Variants in PEAK1 observed in about 807,000 individuals in gnomAD.
The protein encoded by PEAK1 is pseudopodium enriched atypical kinase 1, also known as inactive tyrosine-protein kinase PEAK1.
PEAK1 carries 54 observed loss-of-function variants against 124.7 expected under a neutral mutation model. The observed-to-expected ratio is 0.43, with a 90% CI of 0.35 to 0.54. The LOEUF (loss-of-function observed/expected upper bound fraction) is 0.54. Ranked by LOEUF, PEAK1 falls within the 20% of genes least tolerant of loss-of-function variation. The pLI is 0.01. For synonymous variants in PEAK1, 719 were observed against 760.0 expected (o/e 0.95, Z 0.89); for missense variants, 2,046 against 2,134.5 (o/e 0.96, Z 0.82).
At chr15:77,294,044 A>T (rs563022432) in intron 2 of PEAK1, among the ~76,000 whole-genome samples, 1 of 152,318 alleles carries the variant, frequency 6.6e-6, no homozygotes, top group South Asian at 2.1e-4. Context: ...AGGAAAAAGG[A>T]CAGTGCCAGT....
At chr15:77,267,265 C>G (rs1207051709) in intron 5 of PEAK1, among the ~76,000 whole-genome samples, 1 of 152,176 alleles carries the variant, frequency 6.6e-6, no homozygotes, top group Non-Finnish European at 1.5e-5. Flanking sequence ...CTGTCCACAT[C>G]TGATGGTCCT....
rs138788816 is a variant in PEAK1 at position 77,416,711 on chromosome 15, A to T, written c.-666+3295T>A. Among the ~76,000 whole-genome samples, 1,248 of 152,320 alleles carry T rather than the reference A, an allele frequency of 8.2e-3. 16 individuals carry two copies. The highest frequency in any genetic ancestry group is 0.029 in the African/African-American group (1,202 of 41,562). On this transcript the variant is annotated intron_variant, in intron 1 of 9. Coordinates refer to ENST00000682557, the MANE Select transcript of PEAK1 (RefSeq NM_001385026.1). The stretch of plus-strand genomic sequence containing the variant: ...CTGCAGCTATTGAGTATGTGAATGT[A>T]GTTGTCCAAATTGAGATGTGCTATA...
chr15:77,217,006 G>A (rs766753520), intron 6 of PEAK1, among the ~76,000 whole-genome samples: 5 of 151,906 alleles, frequency 3.3e-5, no homozygotes, highest in African/African-American at 7.3e-5. Flanking sequence ...AGGCTGAAGC[G>A]GATCATTTGA....
chr15:77,258,979 A>G (rs990217344), intron 5 of PEAK1, among the ~76,000 whole-genome samples: 2 of 152,182 alleles, frequency 1.3e-5, no homozygotes, highest in South Asian at 2.1e-4. Flanking sequence ...ATCTATTGAG[A>G]TAATCATGTG....
chr15:77,152,298 T>C (rs1298322101), intron 8 of PEAK1, among the ~76,000 whole-genome samples: 2 of 152,126 alleles, frequency 1.3e-5, no homozygotes, highest in Admixed American at 1.3e-4. Context: ...TTGTCTGTTA[T>C]TGGTGTATAA....
chr15:77,391,687 GTT>G (rs2070472522), intron 1 of PEAK1, among the ~76,000 whole-genome samples: 1 of 152,222 alleles, frequency 6.6e-6, no homozygotes, highest in South Asian at 2.1e-4. Flanking sequence ...CTGAATCACT[GTT>G]TTTTAGTATC....
chr15:77,171,517 T>C (rs553845985), intron 7 of PEAK1, among the ~76,000 whole-genome samples: 8 of 151,620 alleles, frequency 5.3e-5, no homozygotes, highest in Admixed American at 6.6e-5. Context: ...GAGAATACGA[T>C]AGGCTGGAAA....
At chr15:77,347,762 A>T in intron 2 of PEAK1, 3 of 981,900 alleles carry the variant, frequency 3.1e-6, no homozygotes, top group Non-Finnish European at 3.6e-6. Context: ...GAGTTTTTTA[A>T]AAGAAAAAAA....
chr15:77,401,452 C>A, intron 1 of PEAK1: 1 of 888,306 alleles, frequency 1.1e-6, no homozygotes, highest in Non-Finnish European at 1.3e-6. Context: ...TACCCAAGGA[C>A]CAGACACCAT....
chr15:77,198,242 C>T (rs1288006521), intron 6 of PEAK1, among the ~76,000 whole-genome samples: 1 of 152,214 alleles, frequency 6.6e-6, no homozygotes, highest in Non-Finnish European at 1.5e-5. Context: ...ATCATCTCCA[C>T]ATGAACAGTT....
chr15:77,116,252 A>G (rs774525108), intron 9 of PEAK1, among the ~76,000 whole-genome samples: 5 of 152,188 alleles, frequency 3.3e-5, no homozygotes, highest in African/African-American at 7.2e-5. Context: ...AGTCTCTAAT[A>G]CTAGTTCATG....
chr15:77,218,904 A>G (rs983755978), intron 6 of PEAK1, among the ~76,000 whole-genome samples: 1 of 152,066 alleles, frequency 6.6e-6, no homozygotes, highest in African/African-American at 2.4e-5. Flanking sequence ...TGGTGTGGAG[A>G]AAGGAATGAC....
At chr15:77,149,827 G>A (rs1044933516) in intron 8 of PEAK1, among the ~76,000 whole-genome samples, 1 of 151,702 alleles carries the variant, frequency 6.6e-6, no homozygotes, top group African/African-American at 2.4e-5. Flanking sequence ...TCAGTTCACT[G>A]TGTCCTTGAC....
At chr15:77,129,168 G>T (rs1230087566) in intron 9 of PEAK1, among the ~76,000 whole-genome samples, 3 of 152,194 alleles carry the variant, frequency 2.0e-5, no homozygotes, top group Non-Finnish European at 4.4e-5. Context: ...TCCTTGCCAT[G>T]TGAGGACACA....
At chr15:77,155,002 C>G (rs904649460) in intron 8 of PEAK1, among the ~76,000 whole-genome samples, 4 of 152,152 alleles carry the variant, frequency 2.6e-5, no homozygotes, top group African/African-American at 9.7e-5. Context: ...GTGGCGTTCT[C>G]TGTATTTCCC....
At chr15:77,316,377 T>C (rs2064873899) in intron 2 of PEAK1, among the ~76,000 whole-genome samples, 1 of 152,230 alleles carries the variant, frequency 6.6e-6, no homozygotes, top group Non-Finnish European at 1.5e-5. Context: ...TATTTATCTA[T>C]GTACTATTCC....
intron 9 of PEAK1, among the ~76,000 whole-genome samples, chr15:77,121,941 T>C (rs746052385): frequency 3.3e-5 from 5 of 152,148 alleles, no homozygotes; most frequent in African/African-American, 1.2e-4. Flanking sequence ...GGAGTGAGCA[T>C]AGAATGAAAC....
chr15:77,193,494 T>C (rs377165231), intron 6 of PEAK1, among the ~76,000 whole-genome samples: 49 of 152,298 alleles, frequency 3.2e-4, no homozygotes, highest in East Asian at 5.8e-4. Context: ...TGAGTGGAGA[T>C]ACGTGTCCAC....
At chr15:77,300,706 CACATT>C (rs1014132705) in intron 2 of PEAK1, among the ~76,000 whole-genome samples, 3 of 152,158 alleles carry the variant, frequency 2.0e-5, no homozygotes, top group African/African-American at 7.2e-5. Flanking sequence ...TCTAGGGCAT[CACATT>C]ACATTTATTC....
Sources: allele counts gnomAD v4.1 joint callset (sites outside exome capture counted in the v4.1 genomes callset), GRCh38; gene constraint gnomAD v4.1.1; transcripts MANE v1.5; gene names NCBI Gene and HGNC (gene_info 2026-07-23, HGNC 2026-07-21).